SFR1: variants seen among roughly 807,000 people sequenced by gnomAD.
SFR1 encodes the protein SWI5 dependent homologous recombination repair protein 1.
SFR1 carries 24 observed loss-of-function variants against 26.2 expected under a neutral mutation model. The ratio of observed to expected loss-of-function variants is 0.92; its 90% CI spans 0.66 to 1.29. The LOEUF is 1.29. Ranked by LOEUF, SFR1 falls within the 50% of genes most tolerant of loss-of-function variation. The probability of loss-of-function intolerance (pLI) is 0.00; values close to 1 mark genes in which losing one functional copy is unlikely to be tolerated. For missense variants in SFR1, 276 were observed against 270.2 expected, an observed-to-expected ratio of 1.02 and a Z score of -0.15; for synonymous variants, 77 against 96.6, an observed-to-expected ratio of 0.80 and a Z score of 1.19.
At chr10:104,121,998 C>T, upstream of SFR1, 1 of 622,220 alleles carries the variant, frequency 1.6e-6, no homozygotes, top group Non-Finnish European at 2.8e-6. Flanking sequence ...CCAAGCCCCG[C>T]CCCAACCACC....
rs201504294 is a variant in SFR1 at position 104,125,767 on chromosome 10, C to CT, written c.*78dup. 0.13 allele frequency: 110,454 copies of CT among 837,454 alleles called. No individual in the cohort carries two copies. The highest frequency in any genetic ancestry group is 0.14 in the South Asian group (7,339 of 50,872). The allele number at this position is 837,454 out of a possible 1,614,324, so 51.9% of individuals were successfully genotyped here. Reference sequence around the variant, plus strand: ...AACTTAATTAAAAGATACTTAGGCACTTTTTTTTTTTTTTTGAGACTGAGT... The same window carrying CT: ...AACTTAATTAAAAGATACTTAGGCACTTTTTTTTTTTTTTTTGAGACTGAGT... On this transcript the variant is annotated 3_prime_UTR_variant, in exon 4 of 4. Transcript: ENST00000369727.
intron 2 of SFR1, 85 bp downstream of exon 2, chr10:104,123,171 G>A: frequency 2.8e-6 from 3 of 1,080,946 alleles, no homozygotes; most frequent in Non-Finnish European, 4.0e-6. Flanking sequence ...ACGGAAGGTT[G>A]TTAATTAACA....
At chr10:104,122,376 T>C in intron 1 of SFR1, 180 bp downstream of exon 1, 2 of 985,412 alleles carry the variant, frequency 2.0e-6, no homozygotes, top group Non-Finnish European at 2.4e-6. Flanking sequence ...CTCCCGCCCC[T>C]AGTTTACCCC....
At chr10:104,124,199 ATTT>A in intron 3 of SFR1, 75 bp downstream of exon 3, 1 of 1,152,570 alleles carries the variant, frequency 8.7e-7, no homozygotes, top group Non-Finnish European at 1.1e-6. Context: ...CAAAAATAGA[ATTT>A]TTTTTTTTAC....
intron 1 of SFR1, chr10:104,122,729 GTC>G: frequency 1.4e-6 from 2 of 1,424,550 alleles, no homozygotes; most frequent in Non-Finnish European, 9.1e-7. Context: ...AACAAGGAGA[GTC>G]TTGTGACTAT....
intron 1 of SFR1, 146 bp from the exon 2 acceptor site, chr10:104,122,819 A>G (rs763075193): frequency 6.5e-7 from 1 of 1,532,368 alleles, no homozygotes; most frequent in Non-Finnish European, 8.7e-7. Flanking sequence ...CTGCAAAAAG[A>G]GCAAGAATGA....
chr10:104,122,125 C>G, upstream of SFR1: 1 of 1,545,158 alleles, frequency 6.5e-7, no homozygotes, highest in Non-Finnish European at 8.7e-7. Context: ...ACGGCCCCGC[C>G]CCTGCCACAG....
At chr10:104,125,451 C>A in intron 3 of SFR1, 62 bp from the exon 4 acceptor site, 1 of 1,369,822 alleles carries the variant, frequency 7.3e-7, no homozygotes, top group Non-Finnish European at 1.0e-6. Flanking sequence ...AATTTAACAA[C>A]TTTAATTAAG....
intron 2 of SFR1, 198 bp downstream of exon 2, chr10:104,123,284 G>A (rs1326961762): frequency 2.0e-6 from 1 of 497,702 alleles, no homozygotes; most frequent in Non-Finnish European, 3.5e-6. Flanking sequence ...TTTTCCTCTT[G>A]AATGAATTCA....
In SFR1 at chr10:104,123,854, G is replaced by T. The variant is rs1391715468; in HGVS notation, c.276G>T (p.Glu92Asp). 6.2e-7 allele frequency: 1 copy of T among 1,613,046 alleles called. No homozygotes were observed. The highest frequency in any genetic ancestry group is 8.5e-7 in the Non-Finnish European group (1 of 1,179,954). The change falls in exon 3 of 4, where the codon GAG becomes GAT. Residue 92 changes from glutamate to aspartate, a missense_variant. By Grantham distance (45) the Glu-to-Asp change is conservative. Transcript: ENST00000369727. ...TFSEKPASSTEENCLEFQESF... is the reference protein window; with the variant it reads ...TFSEKPASSTDENCLEFQESF... ...CAGAGAAACCAGCATCTTCCACAGA[G>T]GAAAACTGTTTGGAATTTCAAGAAA...
chr10:104,122,366 C>T (rs560279227), intron 1 of SFR1, 170 bp downstream of exon 1: 1 of 985,398 alleles, frequency 1.0e-6, no homozygotes, highest in Non-Finnish European at 1.2e-6. Flanking sequence ...GAGGGGACGA[C>T]TCCCGCCCCT....
chr10:104,124,419 G>T (rs1222469167), intron 3 of SFR1, among the ~76,000 whole-genome samples: 1 of 151,860 alleles, frequency 6.6e-6, no homozygotes, highest in Non-Finnish European at 1.5e-5. Context: ...AAGTACAATG[G>T]GAACAGAAGT....
intron 3 of SFR1, 101 bp from the exon 4 acceptor site, chr10:104,125,412 A>G: frequency 1.2e-6 from 1 of 840,026 alleles, no homozygotes; most frequent in Non-Finnish European, 1.9e-6. Context: ...ATCCCTGTGT[A>G]TGTTAGCCTT....
Position 104,125,756 on chromosome 10 carries a change from A to G in SFR1, c.*52A>G. ...TTGAGAATGACAACTTAATTAAAAG[A>G]TACTTAGGCACTTTTTTTTTTTTTT... On this transcript the variant is annotated 3_prime_UTR_variant, in exon 4 of 4. Transcript: ENST00000369727. 1.6e-6 allele frequency: 2 copies of G among 1,281,890 alleles called. No individual in the cohort carries two copies. The highest frequency in any genetic ancestry group is 2.2e-6 in the Non-Finnish European group (2 of 920,586). The allele number at this position is 1,281,890 out of a possible 1,614,324, so 79.4% of individuals were successfully genotyped here. A position where few individuals can be genotyped will look rare whatever the true frequency, so the allele number is the denominator to read the frequency against.
Position 104,125,926 on chromosome 10 carries a change from C to T in SFR1, c.*222C>T, listed in dbSNP as rs1007588171. On this transcript the variant is annotated 3_prime_UTR_variant, in exon 4 of 4. Transcript: ENST00000369727. The stretch of plus-strand genomic sequence containing the variant: ...GATTACAGGCGCCCGCCACCATGCC[C>T]GGCTAATTTTTGCATTTTTAGTAGA... The T allele has an allele frequency of 7.8e-5, 25 of 321,198 alleles. No individual in the cohort carries two copies. Among genetic ancestry groups the T allele is most frequent in the African/African-American group, 2.2e-4 (10 of 46,076 alleles). The allele number at this position is 321,198 out of a possible 1,614,324, so 19.9% of individuals were successfully genotyped here. A position where few individuals can be genotyped will look rare whatever the true frequency, so the allele number is the denominator to read the frequency against.
At chr10:104,121,920 T>C, upstream of SFR1, 1 of 394,494 alleles carries the variant, frequency 2.5e-6, no homozygotes, top group Non-Finnish European at 4.6e-6. Flanking sequence ...TCTCGGGCGC[T>C]GGGCGGGGAG....
At chr10:104,123,614 G>A in intron 2 of SFR1, 100 bp from the exon 3 acceptor site, 1 of 863,108 alleles carries the variant, frequency 1.2e-6, no homozygotes, top group East Asian at 2.8e-5. Flanking sequence ...CCATCTAGTG[G>A]TGTCTAGCAT....
At chr10:104,122,400 C>T (rs1258622830) in intron 1 of SFR1, 1 of 985,288 alleles carries the variant, frequency 1.0e-6, no homozygotes, top group African/African-American at 1.7e-5. Context: ...AAAGTTAATG[C>T]CTTTGTCGGA....
rs532231759 is a variant in SFR1 at position 104,123,865 on chromosome 10, T to G, written c.287T>G (p.Leu96Trp). 1.1e-4 allele frequency: 170 copies of G among 1,613,160 alleles called. 2 individuals are homozygous for G. In the South Asian group the frequency reaches 1.7e-3, roughly 17 times the overall value. ...GCATCTTCCACAGAGGAAAACTGTT[T>G]GGAATTTCAAGAAAGTTTTAAACAT... ...KPASSTEENC[L>W]EFQESFKHID... Residue 96 changes from leucine (L) to tryptophan (W), a missense_variant, in exon 3 of 4, where the codon TTG becomes TGG. Coordinates refer to ENST00000369727, the MANE Select transcript of SFR1 (RefSeq NM_001002759.2).
Sources: gnomAD v4.1 joint callset for allele counts (sites outside exome capture counted in the v4.1 genomes callset) on GRCh38, gnomAD v4.1.1 for gene constraint, MANE v1.5 for transcripts, NCBI Gene and HGNC (gene_info 2026-07-23, HGNC 2026-07-21) for gene names.